Variants in COPG2 observed in about 807,000 individuals in gnomAD.
The protein encoded by COPG2 is coat protein complex I subunit gamma 2, also known as coatomer subunit gamma-2.
A neutral mutation model predicts 46.3 loss-of-function variants in COPG2; 37 were observed. That is an observed-to-expected ratio of 0.80 (90% confidence interval 0.61 to 1.05). COPG2 has a LOEUF of 1.05. COPG2 is among the 50% of genes least tolerant of loss of function. The pLI is 0.00. For synonymous variants in COPG2, 159 were observed against 129.7 expected, an observed-to-expected ratio of 1.23 and a Z score of -1.53; for missense variants, 427 against 387.8, an observed-to-expected ratio of 1.10 and a Z score of -0.85.
chr7:130,611,854 T>C (rs1046387296), intron 8 of COPG2, among the ~76,000 whole-genome samples: 1 of 152,202 alleles, frequency 6.6e-6, no homozygotes, highest in Admixed American at 6.5e-5. Flanking sequence ...AATTATCTTT[T>C]TACACAAATT....
At chr7:130,645,758 G>A (rs901718021) in intron 5 of COPG2, among the ~76,000 whole-genome samples, 1 of 151,696 alleles carries the variant, frequency 6.6e-6, no homozygotes, top group Non-Finnish European at 1.5e-5. Flanking sequence ...ACACTGTCAC[G>A]GTGGAGAAGG....
intron 9 of COPG2, among the ~76,000 whole-genome samples, chr7:130,588,613 A>G (rs1794333964): frequency 6.6e-6 from 1 of 152,182 alleles, no homozygotes; most frequent in Non-Finnish European, 1.5e-5. Context: ...ACATGGACAC[A>G]GGAAGGGGAT....
intron 1 of COPG2, 41 bp from the exon 2 acceptor site, chr7:130,667,575 T>G: frequency 6.6e-7 from 1 of 1,521,014 alleles, no homozygotes; most frequent in Non-Finnish European, 9.1e-7. Context: ...TGAACAGCTG[T>G]TCTACACAAA....
intron 20 of COPG2, among the ~76,000 whole-genome samples, chr7:130,524,568 A>G (rs1799756403): frequency 2.0e-5 from 3 of 152,090 alleles, no homozygotes; most frequent in Admixed American, 2.0e-4. Context: ...GCCTGTTGAG[A>G]GCAGGAGGGA....
intron 6 of COPG2, among the ~76,000 whole-genome samples, chr7:130,615,416 T>C (rs1794934129): frequency 6.6e-6 from 1 of 152,228 alleles, no homozygotes; most frequent in East Asian, 1.9e-4. Flanking sequence ...TCAGTAATTA[T>C]GGAATGAATG....
At position 130,544,731 on chromosome 7, in the gene COPG2, G is replaced by C. The variant is rs927480621; in HGVS notation, c.2149+2943C>G. Among the ~76,000 whole-genome samples the C allele has an allele frequency of 3.3e-5, 5 of 152,234 alleles. No individual in the cohort carries two copies. In the East Asian group the frequency reaches 9.6e-4, roughly 29 times the overall value. ...TTCAGGGGAAACAGAGCTGCTGAAA[G>C]AGAATGAATGCTTAGAAGGAATGTT... On this transcript the variant is annotated intron_variant, in intron 20 of 23. Transcript: ENST00000425248.
At chr7:130,637,072 G>A (rs1795352526) in intron 5 of COPG2, among the ~76,000 whole-genome samples, 2 of 152,294 alleles carry the variant, frequency 1.3e-5, no homozygotes, top group South Asian at 4.1e-4. Context: ...CTGGCTTGTA[G>A]GGTTTCTGCA....
At chr7:130,621,160 C>A (rs1795033359) in intron 5 of COPG2, among the ~76,000 whole-genome samples, 4 of 152,162 alleles carry the variant, frequency 2.6e-5, no homozygotes, top group Admixed American at 2.0e-4. Flanking sequence ...ATGCAAGTAG[C>A]CTCCAGAAGC....
intron 4 of COPG2, among the ~76,000 whole-genome samples, chr7:130,655,164 C>T (rs1306867950): frequency 6.6e-6 from 1 of 151,998 alleles, no homozygotes; most frequent in South Asian, 2.1e-4. Context: ...TTAGATGCTG[C>T]ACATTGTGAA....
At chr7:130,658,107 A>C (rs1337805138) in intron 4 of COPG2, among the ~76,000 whole-genome samples, 1 of 152,250 alleles carries the variant, frequency 6.6e-6, no homozygotes, top group Non-Finnish European at 1.5e-5. Context: ...GTTTATAGCA[A>C]TGTTGTTTAT....
At chr7:130,535,919 G>C (rs1304529540) in intron 20 of COPG2, among the ~76,000 whole-genome samples, 1 of 152,090 alleles carries the variant, frequency 6.6e-6, no homozygotes, top group Non-Finnish European at 1.5e-5. Flanking sequence ...TAAAGGGCTG[G>C]TTTCTGGGAA....
intron 5 of COPG2, among the ~76,000 whole-genome samples, chr7:130,639,755 T>A (rs1475851371): frequency 2.6e-5 from 4 of 152,228 alleles, no homozygotes; most frequent in African/African-American, 9.6e-5. Flanking sequence ...CTTTGGTAAA[T>A]TATCCATTCC....
intron 5 of COPG2, among the ~76,000 whole-genome samples, chr7:130,624,743 C>A (rs1002478217): frequency 2.0e-5 from 3 of 152,110 alleles, no homozygotes; most frequent in Non-Finnish European, 4.4e-5. Context: ...AAAAGACATT[C>A]TTTTGTTCCT....
chr7:130,591,256 CGGGA>C (rs1794413799), intron 9 of COPG2, among the ~76,000 whole-genome samples: 1 of 122,302 alleles, frequency 8.2e-6, no homozygotes, highest in Admixed American at 7.8e-5. Context: ...CCGCTCCGTC[CGGGA>C]GGGAGGTGGG....
chr7:130,584,343 C>T (rs1554447712), intron 9 of COPG2, among the ~76,000 whole-genome samples: 1 of 152,020 alleles, frequency 6.6e-6, no homozygotes, highest in East Asian at 1.9e-4. Context: ...GACAAACCCA[C>T]AGCCAACATA....
chr7:130,541,449 C>T (rs1799936466), intron 20 of COPG2, among the ~76,000 whole-genome samples: 1 of 151,628 alleles, frequency 6.6e-6, no homozygotes, highest in South Asian at 2.1e-4. Flanking sequence ...ACAGCAGCAC[C>T]CAGGAGGAGC....
chr7:130,524,376 T>G (rs1799754790), intron 20 of COPG2, among the ~76,000 whole-genome samples: 1 of 152,074 alleles, frequency 6.6e-6, no homozygotes, highest in South Asian at 2.1e-4. Flanking sequence ...GACAGTACCG[T>G]GCTATGCAGT....
chr7:130,537,998 G>T (rs1799898698), intron 20 of COPG2, among the ~76,000 whole-genome samples: 1 of 152,160 alleles, frequency 6.6e-6, no homozygotes, highest in African/African-American at 2.4e-5. Context: ...GCAGAACTGA[G>T]AATACAGGAC....
At position 130,640,726 on chromosome 7, in the gene COPG2, G is replaced by T. The variant is rs538757579; in HGVS notation, c.323+12143C>A. Among the ~76,000 whole-genome samples the T allele has an allele frequency of 9.7e-4, 147 of 152,284 alleles. 1 individual carries two copies. The highest frequency in any genetic ancestry group is 3.5e-3 in the African/African-American group (144 of 41,572). The stretch of plus-strand genomic sequence containing the variant: ...GAGAAGGGAAGTAGGAGACAGAAAG[G>T]TTTCTCAACACACATTAACACACCT... On this transcript the variant is annotated intron_variant, in intron 5 of 23. Coordinates refer to ENST00000425248, the MANE Select transcript of COPG2 (RefSeq NM_012133.6).
Sources: allele counts gnomAD v4.1 joint callset (sites outside exome capture counted in the v4.1 genomes callset), GRCh38; gene constraint gnomAD v4.1.1; transcripts MANE v1.5; gene names NCBI Gene and HGNC (gene_info 2026-07-23, HGNC 2026-07-21).